Variants in ACVR2A observed in about 807,000 individuals in gnomAD.
ACVR2A encodes activin receptor type-2A.
ACVR2A carries 7 observed loss-of-function variants against 61.4 expected under a neutral mutation model. The observed-to-expected ratio is 0.11, with a 90% CI of 0.06 to 0.21. ACVR2A has a LOEUF of 0.21. ACVR2A is among the 10% of genes least tolerant of loss of function. The pLI, the probability that ACVR2A is intolerant of heterozygous loss-of-function variation, is 1.00. For synonymous variants in ACVR2A, 193 were observed against 208.3 expected (o/e 0.93, Z 0.63); for missense variants, 322 against 621.7 (o/e 0.52, Z 5.13).
chr2:147,857,261 C>G (rs990272345), intron 1 of ACVR2A, among the ~76,000 whole-genome samples: 8 of 152,056 alleles, frequency 5.3e-5, no homozygotes, highest in African/African-American at 1.7e-4. Flanking sequence ...AGAATATCCC[C>G]ACATCAAGAA....
chr2:147,917,502 G>C (rs1376057410), intron 6 of ACVR2A, 76 bp downstream of exon 6: 6 of 1,486,906 alleles, frequency 4.0e-6, no homozygotes, highest in Non-Finnish European at 5.5e-6. Flanking sequence ...AAATCCCTCA[G>C]AGTTATTTTT....
At chr2:147,852,300 T>C (rs890709573) in intron 1 of ACVR2A, among the ~76,000 whole-genome samples, 2 of 152,068 alleles carry the variant, frequency 1.3e-5, no homozygotes, top group African/African-American at 2.4e-5. Flanking sequence ...TACTCTTAAC[T>C]ATGTGCAGGA....
chr2:147,886,356 G>A (rs1352227725), intron 1 of ACVR2A, among the ~76,000 whole-genome samples: 1 of 152,160 alleles, frequency 6.6e-6, no homozygotes, highest in Non-Finnish European at 1.5e-5. Flanking sequence ...GTTGCCTGTG[G>A]TAGGCACAAG....
chr2:147,877,245 A>G (rs1009871217), intron 1 of ACVR2A, among the ~76,000 whole-genome samples: 2 of 152,230 alleles, frequency 1.3e-5, no homozygotes, highest in Non-Finnish European at 2.9e-5. Context: ...TTTCACTAAT[A>G]GAAGACTGGG....
chr2:147,901,009 G>A (rs946535986), intron 4 of ACVR2A, among the ~76,000 whole-genome samples: 1 of 151,816 alleles, frequency 6.6e-6, no homozygotes, highest in Non-Finnish European at 1.5e-5. Context: ...TAAACCCAAA[G>A]GTAAAATACC....
chr2:147,857,147 A>G (rs753726757), intron 1 of ACVR2A, among the ~76,000 whole-genome samples: 2 of 152,148 alleles, frequency 1.3e-5, no homozygotes, highest in Non-Finnish European at 2.9e-5. Context: ...GTAAAAGGTT[A>G]GGGTCAGAGA....
chr2:147,877,526 A>T (rs1437287171), intron 1 of ACVR2A: 1 of 152,226 alleles, frequency 6.6e-6, no homozygotes, highest in Non-Finnish European at 1.5e-5. Context: ...ACATAAGCAA[A>T]GAAAGATATA....
At chr2:147,901,251 G>A (rs565310209) in intron 4 of ACVR2A, among the ~76,000 whole-genome samples, 1 of 152,086 alleles carries the variant, frequency 6.6e-6, no homozygotes, top group South Asian at 2.1e-4. Flanking sequence ...AGAAGAGAGA[G>A]TATTCAGTAT....
At chr2:147,871,674 T>A (rs961567629) in intron 1 of ACVR2A, among the ~76,000 whole-genome samples, 1 of 152,128 alleles carries the variant, frequency 6.6e-6, no homozygotes, top group Non-Finnish European at 1.5e-5. Flanking sequence ...TCAATGGAAT[T>A]GAGCAGATAT....
intron 1 of ACVR2A, among the ~76,000 whole-genome samples, chr2:147,857,563 C>T (rs561365879): frequency 1.3e-5 from 2 of 150,800 alleles, no homozygotes; most frequent in Admixed American, 1.3e-4. Flanking sequence ...AAAAAAACCC[C>T]TAACACTTGC....
In ACVR2A at chr2:147,927,646, C is replaced by CTAT. The variant is rs1434044854; in HGVS notation, c.*374_*376dup. 3 of 161,214 alleles carry CTAT rather than the reference C, an allele frequency of 1.9e-5. No homozygotes were observed. The highest frequency in any genetic ancestry group is 4.8e-5 in the African/African-American group (2 of 41,764). 10.0% of individuals were successfully genotyped at this position (161,214 alleles called of 1,614,324 possible). ...CACTAATTCCTTAAATGAACTACTG[C>CTAT]TATTTTTTTTAAATCAAAAACTTTT... On this transcript the variant is annotated 3_prime_UTR_variant, in exon 11 of 11. Transcript: ENST00000241416.
chr2:147,883,103 G>T (rs1475100095), intron 1 of ACVR2A, among the ~76,000 whole-genome samples: 1 of 152,216 alleles, frequency 6.6e-6, no homozygotes, highest in Non-Finnish European at 1.5e-5. Flanking sequence ...AATAGGAAAG[G>T]TGACTGCCTC....
At chr2:147,898,471 A>G (rs183227719) in intron 2 of ACVR2A, 2 of 152,232 alleles carry the variant, frequency 1.3e-5, no homozygotes, top group African/African-American at 4.8e-5. Context: ...TTTATCTTTA[A>G]AAACCTCCTG....
chr2:147,928,506 G>C lies in ACVR2A; in HGVS notation c.*1232G>C, dbSNP rs1268623225. The C allele has an allele frequency of 6.6e-6, 1 of 152,086 alleles. No homozygotes were observed. Among genetic ancestry groups the C allele is most frequent in the South Asian group, 2.1e-4 (1 of 4,816 alleles). 9.4% of individuals were successfully genotyped at this position (152,086 alleles called of 1,614,324 possible). A position where few individuals can be genotyped will look rare whatever the true frequency, so the allele number is the denominator to read the frequency against. Reference sequence around the variant, plus strand: ...ATGTAAAGAATTATCCTAGGATAAAGATATTAAACTTTAAGCAGATTTCAG... The same window carrying C: ...ATGTAAAGAATTATCCTAGGATAAACATATTAAACTTTAAGCAGATTTCAG... On this transcript the variant is annotated 3_prime_UTR_variant, in exon 11 of 11. Coordinates refer to ENST00000241416, the MANE Select transcript of ACVR2A (RefSeq NM_001616.5).
intron 1 of ACVR2A, among the ~76,000 whole-genome samples, chr2:147,882,266 TAAC>T (rs1686323582): frequency 4.6e-5 from 7 of 152,208 alleles, no homozygotes; most frequent in Non-Finnish European, 8.8e-5. Flanking sequence ...AGACCTTAAA[TAAC>T]GCTGGATGCA....
At chr2:147,906,033 A>G (rs957956546) in intron 4 of ACVR2A, among the ~76,000 whole-genome samples, 2 of 152,110 alleles carry the variant, frequency 1.3e-5, no homozygotes, top group Admixed American at 6.6e-5. Flanking sequence ...ATTGGTGCAT[A>G]TGGACCAGAC....
intron 1 of ACVR2A, among the ~76,000 whole-genome samples, chr2:147,892,569 AT>A (rs889507678): frequency 2.0e-5 from 3 of 151,324 alleles, no homozygotes; most frequent in African/African-American, 7.3e-5. Flanking sequence ...ATATTAACTT[AT>A]TTAAAATAGC....
chr2:147,903,552 A>G (rs1025958052), intron 4 of ACVR2A, among the ~76,000 whole-genome samples: 1 of 151,946 alleles, frequency 6.6e-6, no homozygotes, highest in Non-Finnish European at 1.5e-5. Context: ...TGTGCTTAAA[A>G]TATGTGTGGG....
At chr2:147,850,414 C>T (rs991656836) in intron 1 of ACVR2A, among the ~76,000 whole-genome samples, 2 of 152,134 alleles carry the variant, frequency 1.3e-5, no homozygotes, top group Admixed American at 6.6e-5. Context: ...CTCTTAGAAT[C>T]AAATGGCTTG....
Sources: gnomAD v4.1 joint callset for allele counts (sites outside exome capture counted in the v4.1 genomes callset) on GRCh38, gnomAD v4.1.1 for gene constraint, MANE v1.5 for transcripts, NCBI Gene and HGNC (gene_info 2026-07-23, HGNC 2026-07-21) for gene names.